DGKB: variants seen among roughly 807,000 people sequenced by gnomAD.
DGKB encodes the protein diacylglycerol kinase beta.
DGKB carries 67 observed loss-of-function variants against 114.3 expected under a neutral mutation model. That is an observed-to-expected ratio of 0.59 (90% CI 0.48 to 0.72). DGKB has a LOEUF of 0.72. Ranked by LOEUF, DGKB falls within the 30% of genes least tolerant of loss-of-function variation. The pLI, the probability that DGKB is intolerant of heterozygous loss-of-function variation, is 0.00. For synonymous variants in DGKB, 398 were observed against 323.1 expected (o/e 1.23, Z -2.49); for missense variants, 907 against 975.2 (o/e 0.93, Z 0.93).
At chr7:14,466,143 A>G (rs1046217524) in intron 21 of DGKB, among the ~76,000 whole-genome samples, 1 of 152,204 alleles carries the variant, frequency 6.6e-6, no homozygotes, top group Non-Finnish European at 1.5e-5. Flanking sequence ...GGTGACTATG[A>G]AACAGGAATG....
intron 3 of DGKB, among the ~76,000 whole-genome samples, chr7:14,757,327 T>A (rs1835025497): frequency 6.6e-6 from 1 of 152,092 alleles, no homozygotes. Flanking sequence ...ACGCTACACT[T>A]AAATGATTCA....
At chr7:14,689,992 A>C (rs946950805) in intron 9 of DGKB, among the ~76,000 whole-genome samples, 1 of 152,216 alleles carries the variant, frequency 6.6e-6, no homozygotes, top group Non-Finnish European at 1.5e-5. Flanking sequence ...TAGTGAGACC[A>C]AAGTATAAAC....
chr7:14,748,369 T>C (rs1833663192), intron 4 of DGKB, among the ~76,000 whole-genome samples: 1 of 152,178 alleles, frequency 6.6e-6, no homozygotes, highest in South Asian at 2.1e-4. Context: ...TTAAATCCAA[T>C]TATCAGGAAA....
At chr7:14,405,877 A>G (rs540309961) in intron 21 of DGKB, among the ~76,000 whole-genome samples, 1 of 152,038 alleles carries the variant, frequency 6.6e-6, no homozygotes, top group Non-Finnish European at 1.5e-5. Flanking sequence ...GAGGCAGGAA[A>G]GAGTTTGGTG....
intron 21 of DGKB, among the ~76,000 whole-genome samples, chr7:14,395,221 G>A (rs915907888): frequency 1.3e-5 from 2 of 151,948 alleles, no homozygotes; most frequent in Non-Finnish European, 2.9e-5. Flanking sequence ...CAAACATAAA[G>A]GCAAATCTTA....
At chr7:14,629,343 G>A (rs1809247485) in intron 14 of DGKB, among the ~76,000 whole-genome samples, 1 of 151,870 alleles carries the variant, frequency 6.6e-6, no homozygotes, top group Non-Finnish European at 1.5e-5. Flanking sequence ...AAGTATTTTT[G>A]AGTATGTCTC....
intron 4 of DGKB, chr7:14,750,061 T>A: frequency 2.0e-6 from 1 of 501,372 alleles, no homozygotes; most frequent in South Asian, 1.5e-5. Flanking sequence ...CTAAATATGT[T>A]ATATGTGTGC....
chr7:14,434,894 G>A (rs1013757962), intron 21 of DGKB, among the ~76,000 whole-genome samples: 23 of 152,134 alleles, frequency 1.5e-4, no homozygotes, highest in Non-Finnish European at 2.5e-4. Flanking sequence ...ATGGTTGATC[G>A]TATGTTTACA....
chr7:14,682,150 T>C (rs1820946305), intron 12 of DGKB, among the ~76,000 whole-genome samples: 2 of 152,106 alleles, frequency 1.3e-5, no homozygotes. Flanking sequence ...ATGACTAAAA[T>C]AAGTTTACAA....
intron 2 of DGKB, among the ~76,000 whole-genome samples, chr7:14,764,765 A>T (rs1039051526): frequency 2.0e-5 from 3 of 151,934 alleles, no homozygotes; most frequent in African/African-American, 7.2e-5. Context: ...GGGAAGAAAA[A>T]AAAAACCTCA....
chr7:14,807,869 G>A (rs1000548975), intron 2 of DGKB, among the ~76,000 whole-genome samples: 1 of 151,806 alleles, frequency 6.6e-6, no homozygotes, highest in Non-Finnish European at 1.5e-5. Context: ...TTAATATTTT[G>A]TCATATTTGT....
intron 20 of DGKB, among the ~76,000 whole-genome samples, chr7:14,572,012 G>A (rs999662346): frequency 6.6e-6 from 1 of 152,038 alleles, no homozygotes; most frequent in African/African-American, 2.4e-5. Flanking sequence ...GATATGCAAA[G>A]GAATAGGAAA....
intron 20 of DGKB, among the ~76,000 whole-genome samples, chr7:14,489,535 C>T (rs557973019): frequency 6.6e-6 from 1 of 152,244 alleles, no homozygotes; most frequent in African/African-American, 2.4e-5. Flanking sequence ...CAAATGTGTT[C>T]AGTGATTTGA....
At chr7:14,368,423 G>T (rs551687838) in intron 21 of DGKB, among the ~76,000 whole-genome samples, 11 of 152,090 alleles carry the variant, frequency 7.2e-5, no homozygotes. Context: ...TGAGATATAG[G>T]TAAAGTATTT....
chr7:14,912,156 C>G (rs1192371151), intron 1 of DGKB, among the ~76,000 whole-genome samples: 1 of 152,128 alleles, frequency 6.6e-6, no homozygotes, highest in African/African-American at 2.4e-5. Flanking sequence ...ACCGGAATCT[C>G]TCTCTAGAAA....
intron 23 of DGKB, among the ~76,000 whole-genome samples, chr7:14,306,388 G>A (rs973769331): frequency 2.0e-5 from 3 of 152,080 alleles, no homozygotes; most frequent in Admixed American, 6.6e-5. Context: ...CCTTGTTAAG[G>A]AGGAGCTAAT....
intron 13 of DGKB, among the ~76,000 whole-genome samples, chr7:14,631,426 G>A (rs981995442): frequency 6.6e-6 from 1 of 151,916 alleles, no homozygotes; most frequent in East Asian, 1.9e-4. Flanking sequence ...AGAAAATTAA[G>A]GTGTTCAGGA....
At chr7:14,274,039 C>A (rs1427742273) in intron 23 of DGKB, among the ~76,000 whole-genome samples, 1 of 152,136 alleles carries the variant, frequency 6.6e-6, no homozygotes, top group Non-Finnish European at 1.5e-5. Context: ...ACAAATGTCC[C>A]TTTTTGATAC....
At chr7:14,946,707 T>C (rs1171601070) in intron 1 of DGKB, among the ~76,000 whole-genome samples, 5 of 151,756 alleles carry the variant, frequency 3.3e-5, no homozygotes, top group Non-Finnish European at 5.9e-5. Context: ...CCAAATATCC[T>C]AGCCATTGAA....
Sources: gnomAD v4.1 joint callset for allele counts (sites outside exome capture counted in the v4.1 genomes callset) on GRCh38, gnomAD v4.1.1 for gene constraint, MANE v1.5 for transcripts, NCBI Gene and HGNC (gene_info 2026-07-23, HGNC 2026-07-21) for gene names.